Variants in SIMC1 observed in about 807,000 individuals in gnomAD.
The protein encoded by SIMC1 is SUMO interacting motifs containing 1.
SIMC1 carries 55 observed loss-of-function variants against 82.3 expected under a neutral mutation model. That is an observed-to-expected ratio of 0.67 (90% confidence interval 0.54 to 0.84). SIMC1 has a LOEUF of 0.84. SIMC1 is among the 40% of genes least tolerant of loss of function. SIMC1 has a pLI of 0.00. For synonymous variants in SIMC1, 353 were observed against 426.3 expected, an observed-to-expected ratio of 0.83 and a Z score of 2.12; for missense variants, 915 against 1,107.2, an observed-to-expected ratio of 0.83 and a Z score of 2.46.
rs1761379797 is a variant in SIMC1, at chr5:176,244,723, T to TTC, written c.129+6087_129+6088insCT. 3.5e-5 allele frequency among the ~76,000 whole-genome samples: 5 copies of TTC among 144,758 alleles called. No homozygotes were observed. The South Asian group carries it at 1.1e-3, about 32-fold the overall frequency. The allele number at this position is 144,758 out of a possible 152,430, so 95.0% of individuals were successfully genotyped here. A position where few individuals can be genotyped will look rare whatever the true frequency, so the allele number is the denominator to read the frequency against. On this transcript the variant is annotated intron_variant, in intron 1 of 9. Coordinates refer to ENST00000429602, the MANE Select transcript of SIMC1 (RefSeq NM_001308195.2). ...TAATGTTTCTTTTTTTTTTTCCTTT[T>TTC]TTTTTTTTTTTTTTTGAGAGGGAGT...
At chr5:176,322,155 A>T in intron 5 of SIMC1, 118 bp from the exon 6 acceptor site, 1 of 1,193,138 alleles carries the variant, frequency 8.4e-7, no homozygotes. Context: ...GGCCCAGGTT[A>T]AGGCTATAGT....
chr5:176,252,624 C>T (rs928373606), intron 1 of SIMC1, among the ~76,000 whole-genome samples: 7 of 150,384 alleles, frequency 4.7e-5, no homozygotes, highest in South Asian at 2.1e-4. Context: ...GATGGGATGG[C>T]GGCCGGGCAG....
chr5:176,293,446 A>T (rs1310202012), intron 2 of SIMC1, among the ~76,000 whole-genome samples: 3 of 151,810 alleles, frequency 2.0e-5, no homozygotes, highest in Admixed American at 1.3e-4. Flanking sequence ...AAAAAAAAAA[A>T]AATTAATTGT....
In SIMC1 at chr5:176,313,655, A is replaced by G. The variant is rs774583573; in HGVS notation, c.1735-36A>G. 6 of 1,610,048 alleles carry G rather than the reference A, an allele frequency of 3.7e-6. No individual in the cohort carries two copies. In the African/African-American group the frequency reaches 8.0e-5, roughly 22 times the overall value. Reference sequence around the variant, plus strand: ...ATGTTGACTGTCATCCAAGAGACTGAGAAGAAAGACTGACTTCTCATTCTT... The same window carrying G: ...ATGTTGACTGTCATCCAAGAGACTGGGAAGAAAGACTGACTTCTCATTCTT... On this transcript the variant is annotated intron_variant, in intron 4 of 9. Coordinates refer to ENST00000429602, the MANE Select transcript of SIMC1 (RefSeq NM_001308195.2).
At chr5:176,278,845 G>A (rs1466585987) in intron 1 of SIMC1, among the ~76,000 whole-genome samples, 3 of 149,326 alleles carry the variant, frequency 2.0e-5, no homozygotes, top group South Asian at 4.4e-4. Context: ...TGCTGGATTC[G>A]GTTTGCCAGT....
chr5:176,242,825 A>T (rs1169975706), intron 1 of SIMC1, among the ~76,000 whole-genome samples: 1 of 152,046 alleles, frequency 6.6e-6, no homozygotes, highest in African/African-American at 2.4e-5. Context: ...GAATACATCT[A>T]TGAAAACCAA....
chr5:176,241,855 C>A (rs971776099), intron 1 of SIMC1, among the ~76,000 whole-genome samples: 2 of 151,708 alleles, frequency 1.3e-5, no homozygotes, highest in African/African-American at 4.9e-5. Flanking sequence ...CAAGATAAAT[C>A]ATCTGTCTGA....
At chr5:176,340,179 GT>G (rs1766070692) in intron 9 of SIMC1, among the ~76,000 whole-genome samples, 2 of 152,214 alleles carry the variant, frequency 1.3e-5, no homozygotes. Context: ...ATCACCCCCT[GT>G]TATAGATGGG....
chr5:176,296,977 A>G (rs535439056), intron 4 of SIMC1, among the ~76,000 whole-genome samples: 2 of 152,292 alleles, frequency 1.3e-5, no homozygotes, highest in African/African-American at 4.8e-5. Context: ...AGCCACATAT[A>G]TGTAAAGAGG....
At chr5:176,335,340 A>G (rs970261064) in intron 7 of SIMC1, among the ~76,000 whole-genome samples, 2 of 134,102 alleles carry the variant, frequency 1.5e-5, no homozygotes, top group African/African-American at 5.7e-5. Context: ...GCAGTGGTGC[A>G]GTCTTGGCTC....
chr5:176,314,801 C>G (rs1255567178), intron 5 of SIMC1, among the ~76,000 whole-genome samples: 2 of 152,142 alleles, frequency 1.3e-5, no homozygotes, highest in African/African-American at 4.8e-5. Flanking sequence ...TGGTACAGAA[C>G]TGATAACCAT....
intron 5 of SIMC1, among the ~76,000 whole-genome samples, chr5:176,316,875 T>C (rs1440088582): frequency 6.6e-6 from 1 of 151,992 alleles, no homozygotes; most frequent in Non-Finnish European, 1.5e-5. Context: ...TAATCCCAGC[T>C]ACTTGGGAGA....
In SIMC1 at chr5:176,290,839, A is replaced by G. The variant is rs141786253; in HGVS notation, c.1315A>G (p.Thr439Ala). ...TGGGTCTGCCCACGTACAATCACGA[A>G]CACCACAAGGTGGGTTGTACAACAG... ...KPGSAHVQSR[T>A]PQGGLYNRPC... The change falls in exon 2 of 10, where the codon ACA (threonine) becomes GCA (alanine). Residue 439 changes from threonine to alanine, a missense_variant. Physicochemically the swap from Thr to Ala is moderately conservative, Grantham distance 58 (BLOSUM62 0). Around this residue, in one of 2 missense-constraint regions of SIMC1, gnomAD observed 902 missense variants for 1,040.3 expected, o/e 0.87. Transcript: ENST00000429602. 2.7e-5 allele frequency: 44 copies of G among 1,613,722 alleles called. No homozygotes were observed. The highest frequency in any genetic ancestry group is 1.6e-4 in the Middle Eastern group (1 of 6,082).
rs1254559735 is a variant in SIMC1, at chr5:176,282,518, C to T, written c.130-7136C>T. 2.6e-5 allele frequency among the ~76,000 whole-genome samples: 4 copies of T among 152,258 alleles called. No homozygotes were observed. In the East Asian group the frequency reaches 7.7e-4, roughly 29 times the overall value. On this transcript the variant is annotated intron_variant, in intron 1 of 9. Transcript: ENST00000429602. Reference sequence around the variant, plus strand: ...TGGAAATGCAGAAATCACCCGTCTTCTGCGTCGCTCACGCTGGGAGCTGTA... The same window carrying T: ...TGGAAATGCAGAAATCACCCGTCTTTTGCGTCGCTCACGCTGGGAGCTGTA...
chr5:176,288,214 C>T (rs1763382477), intron 1 of SIMC1, among the ~76,000 whole-genome samples: 1 of 152,116 alleles, frequency 6.6e-6, no homozygotes, highest in Admixed American at 6.6e-5. Flanking sequence ...TCGAGACCAG[C>T]CTGGCCAACA....
chr5:176,335,015 C>CG (rs1363204753), intron 7 of SIMC1, among the ~76,000 whole-genome samples: 6 of 148,762 alleles, frequency 4.0e-5, no homozygotes, highest in African/African-American at 1.5e-4. Context: ...TGCTTGAACC[C>CG]GGGGGGTGGG....
At chr5:176,243,397 A>G (rs1490795808) in intron 1 of SIMC1, among the ~76,000 whole-genome samples, 1 of 152,168 alleles carries the variant, frequency 6.6e-6, no homozygotes. Flanking sequence ...GAGTCAGAAG[A>G]GATGAGAAGT....
At chr5:176,249,839 G>A (rs1257707338) in intron 1 of SIMC1, among the ~76,000 whole-genome samples, 8 of 47,804 alleles carry the variant, frequency 1.7e-4, no homozygotes, top group South Asian at 8.0e-4. Context: ...GCGAGATTCC[G>A]TCTCAAAAAA....
intron 4 of SIMC1, among the ~76,000 whole-genome samples, chr5:176,311,165 A>T (rs1044617295): frequency 2.0e-5 from 3 of 152,202 alleles, no homozygotes; most frequent in African/African-American, 7.2e-5. Context: ...TGCACAACTC[A>T]GTAGGTTTAC....
Sources: gnomAD v4.1 joint callset for allele counts (sites outside exome capture counted in the v4.1 genomes callset) on GRCh38, gnomAD v4.1.1 for gene constraint, gnomAD v4.1.1 regional missense constraint, MANE v1.5 for transcripts, NCBI Gene and HGNC (gene_info 2026-07-23, HGNC 2026-07-21) for gene names.